ITGA1: variants seen among roughly 807,000 people sequenced by gnomAD.
The protein encoded by ITGA1 is integrin subunit alpha 1.
A neutral mutation model predicts 145.9 loss-of-function variants in ITGA1; 85 were observed. The ratio of observed to expected loss-of-function variants is 0.58; its 90% confidence interval spans 0.49 to 0.70. The LOEUF (loss-of-function observed/expected upper bound fraction) is 0.70, where lower values mean the gene tolerates loss of function less well. ITGA1 is among the 30% of genes least tolerant of loss of function. ITGA1 has a pLI of 0.00. For synonymous variants in ITGA1, 520 were observed against 495.3 expected, an observed-to-expected ratio of 1.05 and a Z score of -0.66; for missense variants, 1,351 against 1,418.7, an observed-to-expected ratio of 0.95 and a Z score of 0.77.
At chr5:52,825,692 G>A (rs1484865224) in intron 1 of ITGA1, among the ~76,000 whole-genome samples, 2 of 152,124 alleles carry the variant, frequency 1.3e-5, no homozygotes, top group Admixed American at 1.3e-4. Context: ...GGCCAACACA[G>A]GCAGATCACA....
chr5:52,789,110 T>C (rs578239889), intron 1 of ITGA1, among the ~76,000 whole-genome samples: 2 of 152,308 alleles, frequency 1.3e-5, no homozygotes, highest in Non-Finnish European at 2.9e-5. Context: ...AAAAACATAG[T>C]GGAAATGCAA....
At chr5:52,937,608 A>G (rs1028422829) in intron 24 of ITGA1, 94 bp downstream of exon 24, 5 of 777,230 alleles carry the variant, frequency 6.4e-6, no homozygotes, top group Non-Finnish European at 1.1e-5. Context: ...GTAATAAAGA[A>G]TTTTACCAAA....
At chr5:52,863,083 A>G (rs1212482420) in intron 3 of ITGA1, among the ~76,000 whole-genome samples, 1 of 152,206 alleles carries the variant, frequency 6.6e-6, no homozygotes, top group East Asian at 1.9e-4. Context: ...TTTTTGAATT[A>G]CAGGTGTGGA....
Position 52,905,871 on chromosome 5 carries a change from G to T in ITGA1, c.1418G>T (p.Gly473Val). Residue 473 changes from glycine (G) to valine (V), a missense_variant, in exon 12 of 29, where the codon GGA becomes GTA. By Grantham distance (109) the Gly-to-Val change is moderately radical. Transcript: ENST00000282588. ...GTCATTATCTACAGGATGGAAGATG[G>T]AAACATCAAAATTCTCCAGACGCTC... ...GQVIIYRMED[G>V]NIKILQTLSG... 1 of 1,613,396 alleles carries T rather than the reference G, an allele frequency of 6.2e-7. No individual in the cohort carries two copies. The highest frequency in any genetic ancestry group is 1.3e-5 in the African/African-American group (1 of 75,034).
At chr5:52,820,270 A>G (rs1748854914) in intron 1 of ITGA1, among the ~76,000 whole-genome samples, 1 of 150,494 alleles carries the variant, frequency 6.6e-6, no homozygotes, top group African/African-American at 2.4e-5. Context: ...AACTATCGCA[A>G]GGACAAAAAA....
intron 14 of ITGA1, among the ~76,000 whole-genome samples, chr5:52,911,620 CTACTATATATACTATAT>C (rs1750538879): frequency 2.7e-5 from 2 of 75,396 alleles, no homozygotes; most frequent in African/African-American, 5.1e-5. Flanking sequence ...TATAGTGTAT[CTACTATATATACTATAT>C]ATAGTGTATC....
At chr5:52,853,959 G>A (rs1345080777) in intron 2 of ITGA1, among the ~76,000 whole-genome samples, 2 of 152,164 alleles carry the variant, frequency 1.3e-5, no homozygotes, top group Admixed American at 6.6e-5. Flanking sequence ...ACGGGAAAAT[G>A]TGAGATGTCT....
At chr5:52,950,734 A>C (rs1413495799) in intron 28 of ITGA1, among the ~76,000 whole-genome samples, 1 of 152,218 alleles carries the variant, frequency 6.6e-6, no homozygotes, top group Non-Finnish European at 1.5e-5. Flanking sequence ...AAAATAGAAC[A>C]TTTAATGTGT....
intron 1 of ITGA1, chr5:52,802,582 A>G (rs1365172433): frequency 1.3e-5 from 2 of 152,188 alleles, no homozygotes; most frequent in Non-Finnish European, 2.9e-5. Flanking sequence ...TTTTAAAATG[A>G]GATTAAAGTA....
At chr5:52,847,953 T>C (rs1749364608) in intron 1 of ITGA1, among the ~76,000 whole-genome samples, 1 of 152,218 alleles carries the variant, frequency 6.6e-6, no homozygotes, top group African/African-American at 2.4e-5. Context: ...CCATTTGAGA[T>C]GGTGATTCTA....
At chr5:52,883,129 G>A (rs1749987686) in intron 7 of ITGA1, among the ~76,000 whole-genome samples, 1 of 152,084 alleles carries the variant, frequency 6.6e-6, no homozygotes, top group African/African-American at 2.4e-5. Flanking sequence ...ATCACCTATT[G>A]GATCACCAAT....
In ITGA1 at chr5:52,897,488, T is replaced by C. The variant is rs902632832; in HGVS notation, c.1124T>C (p.Met375Thr). Residue 375 changes from methionine (M) to threonine (T), a missense_variant, in exon 10 of 29, where the codon ATG becomes ACG. Physicochemically the swap from Met to Thr is moderately conservative, Grantham distance 81. Coordinates refer to ENST00000282588, the MANE Select transcript of ITGA1 (RefSeq NM_181501.2). ...GACCAGTCAGCAGCTTCATTTGAAATGGAAATGTCTCAGACTGGCTTCAGT... is the reference window on the plus strand; with the variant it reads ...GACCAGTCAGCAGCTTCATTTGAAACGGAAATGTCTCAGACTGGCTTCAGT... ...TADQSAASFEMEMSQTGFSAH... is the reference protein window; with the variant it reads ...TADQSAASFETEMSQTGFSAH... The C allele has an allele frequency of 5.6e-6, 9 of 1,613,172 alleles. No individual in the cohort carries two copies. In the Admixed American group the frequency reaches 6.7e-5, roughly 12 times the overall value.
At chr5:52,846,622 G>A (rs941539619) in intron 1 of ITGA1, among the ~76,000 whole-genome samples, 3 of 152,112 alleles carry the variant, frequency 2.0e-5, no homozygotes, top group African/African-American at 7.2e-5. Context: ...TGCAGAAGAT[G>A]GTAACCAGCT....
At position 52,844,434 on chromosome 5, in the gene ITGA1, T is replaced by G. The variant is rs113529217; in HGVS notation, c.62-4931T>G. 6.0e-3 allele frequency among the ~76,000 whole-genome samples: 910 copies of G among 152,318 alleles called. 4 individuals carry two copies. The highest frequency in any genetic ancestry group is 0.02 in the African/African-American group (850 of 41,574). On this transcript the variant is annotated intron_variant, in intron 1 of 28. Transcript: ENST00000282588. ...CACTTTGTACTAGCCCTTTCTAGTT[T>G]TAGGACTAAGATGTAAAAATTGAAT...
Position 52,800,360 on chromosome 5 carries a change from T to C in ITGA1, c.61+11946T>C, listed in dbSNP as rs1748442657. The C allele has an allele frequency of 3.1e-6, 5 of 1,612,204 alleles. No individual in the cohort carries two copies. The Admixed American group carries it at 8.3e-5, about 27-fold the overall frequency. On this transcript the variant is annotated intron_variant, in intron 1 of 28. Coordinates refer to ENST00000282588, the MANE Select transcript of ITGA1 (RefSeq NM_181501.2). ...GGGCGGAGGTGAGGACCTCCTTGGT[T>C]CCTTTGGTTCTGTCAGTGAGCCCCT...
chr5:52,949,718 G>T (rs1337517769), intron 28 of ITGA1, among the ~76,000 whole-genome samples: 1 of 152,084 alleles, frequency 6.6e-6, no homozygotes, highest in Non-Finnish European at 1.5e-5. Flanking sequence ...AGGGTCCCTG[G>T]TTGGATTCAG....
intron 13 of ITGA1, among the ~76,000 whole-genome samples, chr5:52,909,684 G>A (rs1483267701): frequency 6.8e-6 from 1 of 147,436 alleles, no homozygotes; most frequent in African/African-American, 2.7e-5. Context: ...GCTTCCTCCT[G>A]TCAACTTTTT....
intron 14 of ITGA1, among the ~76,000 whole-genome samples, chr5:52,914,209 T>C (rs1416002150): frequency 6.6e-6 from 1 of 152,218 alleles, no homozygotes. Flanking sequence ...CAAAATGTTT[T>C]TCCAAGGAAT....
intron 1 of ITGA1, among the ~76,000 whole-genome samples, chr5:52,797,465 A>G (rs1035325906): frequency 1.4e-5 from 2 of 146,918 alleles, no homozygotes; most frequent in African/African-American, 2.5e-5. Flanking sequence ...GGACAGAAGG[A>G]AAAAAAAAAA....
Sources: gnomAD v4.1 joint callset for allele counts (sites outside exome capture counted in the v4.1 genomes callset) on GRCh38, gnomAD v4.1.1 for gene constraint, MANE v1.5 for transcripts, NCBI Gene and HGNC (gene_info 2026-07-23, HGNC 2026-07-21) for gene names.